Variants in CCDC7 observed in about 807,000 individuals in gnomAD.
CCDC7 encodes coiled-coil domain containing 7.
Under a neutral mutation model 196.9 loss-of-function variants are expected in CCDC7, and 183 were observed. The ratio of observed to expected loss-of-function variants is 0.93; its 90% confidence interval spans 0.82 to 1.05. The LOEUF (loss-of-function observed/expected upper bound fraction) is 1.05. Ranked by LOEUF, CCDC7 falls within the 50% of genes least tolerant of loss-of-function variation. The probability of loss-of-function intolerance (pLI) is 0.00; values close to 1 mark genes in which losing one functional copy is unlikely to be tolerated. For synonymous variants in CCDC7, 525 were observed against 484.6 expected, an observed-to-expected ratio of 1.08 and a Z score of -1.10; for missense variants, 1,540 against 1,482.2, an observed-to-expected ratio of 1.04 and a Z score of -0.64.
At chr10:32,783,095 G>A (rs1339599618) in intron 29 of CCDC7, among the ~76,000 whole-genome samples, 3 of 152,152 alleles carry the variant, frequency 2.0e-5, no homozygotes, top group Non-Finnish European at 2.9e-5. Context: ...TCATGACATT[G>A]AAGTTAGCAA....
chr10:32,506,979 T>TATAC (rs2045283527), intron 9 of CCDC7, among the ~76,000 whole-genome samples: 1 of 152,176 alleles, frequency 6.6e-6, no homozygotes, highest in Admixed American at 6.5e-5. Context: ...TTCTTTTGGT[T>TATAC]TTGATTTGCA....
intron 28 of CCDC7, among the ~76,000 whole-genome samples, chr10:32,741,500 C>T (rs1297464462): frequency 6.6e-6 from 1 of 152,048 alleles, no homozygotes; most frequent in Admixed American, 6.5e-5. Flanking sequence ...TGTAGTTGGC[C>T]CTGTGGAACT....
At chr10:32,866,496 GTAGATAAA>G (rs1467763209) in intron 41 of CCDC7, among the ~76,000 whole-genome samples, 1 of 151,496 alleles carries the variant, frequency 6.6e-6, no homozygotes, top group Non-Finnish European at 1.5e-5. Flanking sequence ...CTGTGAAAAT[GTAGATAAA>G]AGGAGATTAA....
At chr10:32,705,498 G>T (rs192482492) in intron 24 of CCDC7, among the ~76,000 whole-genome samples, 7 of 152,194 alleles carry the variant, frequency 4.6e-5, no homozygotes, top group Non-Finnish European at 8.8e-5. Flanking sequence ...TGGGCTAAAT[G>T]CCCCAATTAA....
chr10:32,627,133 G>T (rs1454114944), intron 18 of CCDC7, among the ~76,000 whole-genome samples: 1 of 151,582 alleles, frequency 6.6e-6, no homozygotes, highest in African/African-American at 2.4e-5. Context: ...ACTATAGATT[G>T]CTTTGGGTAG....
At chr10:32,601,511 T>C (rs1564793628) in intron 18 of CCDC7, among the ~76,000 whole-genome samples, 1 of 152,310 alleles carries the variant, frequency 6.6e-6, no homozygotes, top group Middle Eastern at 3.4e-3. Flanking sequence ...GTTTGGAGCT[T>C]TCTATTCCAC....
chr10:32,808,062 AC>A (rs945030457), intron 30 of CCDC7, among the ~76,000 whole-genome samples: 11 of 151,922 alleles, frequency 7.2e-5, no homozygotes, highest in African/African-American at 1.2e-4. Flanking sequence ...CAGGACCACC[AC>A]ACAGTTGGAT....
At chr10:32,803,620 GTCTTT>G (rs1217772479) in intron 29 of CCDC7, among the ~76,000 whole-genome samples, 16 of 152,018 alleles carry the variant, frequency 1.1e-4, no homozygotes, top group Non-Finnish European at 1.9e-4. Context: ...GTCTATGTGT[GTCTTT>G]ACAGGTAAAA....
At chr10:32,767,747 A>G (rs2078550050) in intron 28 of CCDC7, among the ~76,000 whole-genome samples, 1 of 152,154 alleles carries the variant, frequency 6.6e-6, no homozygotes, top group South Asian at 2.1e-4. Context: ...ATAGGAAAAT[A>G]TAACCTCACC....
chr10:32,678,109 A>T (rs1186565140), intron 21 of CCDC7, among the ~76,000 whole-genome samples: 3 of 151,400 alleles, frequency 2.0e-5, no homozygotes, highest in Admixed American at 2.0e-4. Context: ...TTTTTTGTTC[A>T]TGTGTTGTTT....
At chr10:32,814,282 ACAC>A (rs2087870921) in intron 30 of CCDC7, 85 bp from the exon 32 acceptor site, 1 of 921,224 alleles carries the variant, frequency 1.1e-6, no homozygotes, top group Non-Finnish European at 1.7e-6. Context: ...TTAGTAACAC[ACAC>A]ACATATATGT....
downstream of CCDC7, among the ~76,000 whole-genome samples, chr10:32,882,036 A>G (rs2094808919): frequency 6.6e-6 from 1 of 152,164 alleles, no homozygotes. Flanking sequence ...ATACTCCATC[A>G]CAAGGACAAA....
chr10:32,463,878 A>AG (rs1336074444), intron 5 of CCDC7, among the ~76,000 whole-genome samples: 2 of 152,202 alleles, frequency 1.3e-5, no homozygotes, highest in African/African-American at 2.4e-5. Context: ...ACATTGGAAA[A>AG]GTGTTAGTCA....
chr10:32,669,554 CA>C (rs2063216587), intron 21 of CCDC7, among the ~76,000 whole-genome samples: 1 of 152,018 alleles, frequency 6.6e-6, no homozygotes, highest in Non-Finnish European at 1.5e-5. Context: ...GTGATTTAAT[CA>C]CCTTACTCAT....
intron 13 of CCDC7, among the ~76,000 whole-genome samples, chr10:32,547,344 C>T (rs2052645658): frequency 6.6e-6 from 1 of 152,098 alleles, no homozygotes; most frequent in African/African-American, 2.4e-5. Context: ...AAGAGTCTCT[C>T]TTGTCTGCTA....
chr10:32,756,127 C>G (rs2076401190), intron 28 of CCDC7, among the ~76,000 whole-genome samples: 1 of 152,186 alleles, frequency 6.6e-6, no homozygotes, highest in Non-Finnish European at 1.5e-5. Flanking sequence ...AAATCTACAT[C>G]AGATTGTTGT....
chr10:32,473,876 G>A (rs1252176361), intron 7 of CCDC7, 91 bp from the exon 9 acceptor site: 2 of 1,200,082 alleles, frequency 1.7e-6, no homozygotes, highest in East Asian at 5.9e-5. Flanking sequence ...TTCTGAATAA[G>A]TTACTAAAAT....
At chr10:32,491,891 C>T (rs758668037) in intron 8 of CCDC7, 31 bp from the exon 10 acceptor site, 2 of 1,528,452 alleles carry the variant, frequency 1.3e-6, no homozygotes, top group Non-Finnish European at 1.7e-6. Flanking sequence ...ATTTATAAAA[C>T]CTTTAACATT....
intron 21 of CCDC7, among the ~76,000 whole-genome samples, chr10:32,672,882 A>G (rs2074302965): frequency 6.6e-6 from 1 of 152,146 alleles, no homozygotes; most frequent in Non-Finnish European, 1.5e-5. Context: ...TATTTGTTTC[A>G]TAGCAGGAGG....
Sources: allele counts gnomAD v4.1 joint callset (sites outside exome capture counted in the v4.1 genomes callset), GRCh38; gene constraint gnomAD v4.1.1; transcripts MANE v1.5; gene names NCBI Gene and HGNC (gene_info 2026-07-23, HGNC 2026-07-21).